The following ALX4 variants were observed in gnomAD, a reference collection of about 807,000 sequenced individuals.
ALX4 encodes homeobox protein aristaless-like 4.
A neutral mutation model predicts 40.6 loss-of-function variants in ALX4; 22 were observed. The observed-to-expected ratio is 0.54, with a 90% CI of 0.39 to 0.77. The LOEUF is 0.77. ALX4 is among the 30% of genes least tolerant of loss of function. The pLI is 0.00. For missense variants in ALX4, 556 were observed against 564.8 expected (o/e 0.98, Z 0.16); for synonymous variants, 266 against 240.5 (o/e 1.11, Z -0.98).
intron 1 of ALX4, among the ~76,000 whole-genome samples, chr11:44,283,729 C>A (rs925840385): frequency 4.7e-4 from 71 of 152,136 alleles, no homozygotes; most frequent in African/African-American, 1.7e-3. Flanking sequence ...ACACCCCGCT[C>A]ATTTTTGTAT....
At chr11:44,286,410 C>G (rs1956338951) in intron 1 of ALX4, among the ~76,000 whole-genome samples, 1 of 152,142 alleles carries the variant, frequency 6.6e-6, no homozygotes, top group South Asian at 2.1e-4. Flanking sequence ...GGCTGCTTAC[C>G]CAGAAGGCTA....
intron 1 of ALX4, among the ~76,000 whole-genome samples, chr11:44,287,047 G>A (rs1407238789): frequency 6.6e-6 from 1 of 152,176 alleles, no homozygotes; most frequent in Non-Finnish European, 1.5e-5. Context: ...TTGGCCCAGC[G>A]GCTTTCCATG....
chr11:44,302,672 C>G (rs1045312836), intron 1 of ALX4, among the ~76,000 whole-genome samples: 5 of 152,134 alleles, frequency 3.3e-5, no homozygotes, highest in African/African-American at 1.2e-4. Flanking sequence ...ACTTGCTTAC[C>G]CCCTCCCTAT....
chr11:44,295,147 G>A (rs1956395870), intron 1 of ALX4, among the ~76,000 whole-genome samples: 1 of 152,126 alleles, frequency 6.6e-6, no homozygotes, highest in Non-Finnish European at 1.5e-5. Context: ...AACCACACCT[G>A]GCTTTGTCCT....
chr11:44,284,787 T>G lies in ALX4; in HGVS notation c.467-9129A>C, dbSNP rs1460877244. On this transcript the variant is annotated intron_variant, in intron 1 of 3. Coordinates refer to ENST00000652299, the MANE Select transcript of ALX4 (RefSeq NM_021926.4). ...TCTCCTGTCTGTGGCTAACTACTAC[T>G]TTCACCTGGATAGCTTTCTCTGTAA... 2.0e-5 allele frequency among the ~76,000 whole-genome samples: 3 copies of G among 151,916 alleles called. 1 individual carries two copies. Among genetic ancestry groups the G allele is most frequent in the Admixed American group, 1.3e-4 (2 of 15,268 alleles).
intron 1 of ALX4, among the ~76,000 whole-genome samples, chr11:44,286,958 C>T (rs1238173502): frequency 4.6e-5 from 7 of 152,192 alleles, no homozygotes; most frequent in African/African-American, 1.2e-4. Flanking sequence ...GAGAGGGTGG[C>T]GCACAGTGGG....
At chr11:44,279,150 A>G (rs1956294602) in intron 1 of ALX4, among the ~76,000 whole-genome samples, 2 of 152,132 alleles carry the variant, frequency 1.3e-5, no homozygotes, top group South Asian at 4.1e-4. Flanking sequence ...CTAGGGTAGC[A>G]GGGAGCTCAC....
At chr11:44,289,027 T>A (rs910771714) in intron 1 of ALX4, among the ~76,000 whole-genome samples, 4 of 152,172 alleles carry the variant, frequency 2.6e-5, no homozygotes, top group African/African-American at 9.7e-5. Context: ...GAGCTTCCCT[T>A]AGGAATCATG....
At chr11:44,289,324 A>C (rs1334658458) in intron 1 of ALX4, among the ~76,000 whole-genome samples, 2 of 152,158 alleles carry the variant, frequency 1.3e-5, no homozygotes, top group African/African-American at 4.8e-5. Flanking sequence ...CTTAGACAGG[A>C]GCTCTCCAAC....
In ALX4 at chr11:44,265,154, G is replaced by A. The variant is rs150706927; in HGVS notation, c.936C>T (p.Asn312=). 127 of 1,605,866 alleles carry A rather than the reference G, an allele frequency of 7.9e-5. No individual in the cohort carries two copies. Among genetic ancestry groups the A allele is most frequent in the Non-Finnish European group, 8.4e-5 (99 of 1,175,072 alleles). Residue 312 remains asparagine, a synonymous_variant, in exon 4 of 4, where the codon AAC becomes AAT. Coordinates refer to ENST00000652299, the MANE Select transcript of ALX4 (RefSeq NM_021926.4). The part of the protein sequence containing the change: ...QIQNPSWLGN[N]GAASPVPACV... ...AGGCTGGCACTGGTGAGGCAGCCCC[G>A]TTGTTGCCGAGCCAGGACGGGTTCT... is the stretch of plus-strand genomic sequence containing the variant.
chr11:44,307,192 G>A (rs1047444993), intron 1 of ALX4, among the ~76,000 whole-genome samples: 1 of 152,154 alleles, frequency 6.6e-6, no homozygotes, highest in African/African-American at 2.4e-5. Context: ...GGGTAGCGGG[G>A]GCTCTTGCTC....
chr11:44,273,094 A>G (rs1030978534), intron 2 of ALX4, among the ~76,000 whole-genome samples: 2 of 152,048 alleles, frequency 1.3e-5, no homozygotes, highest in African/African-American at 4.8e-5. Flanking sequence ...AGTTAATTCA[A>G]GAGTCCCTGG....
Position 44,309,768 on chromosome 11 carries a change from G to A in ALX4, c.295C>T (p.Pro99Ser), listed in dbSNP as rs770611828. 6.5e-7 allele frequency: 1 copy of A among 1,546,682 alleles called. No individual in the cohort carries two copies. Among genetic ancestry groups the A allele is most frequent in the Non-Finnish European group, 8.7e-7 (1 of 1,144,960 alleles). The change falls in exon 1 of 4, where the codon CCC becomes TCC. Residue 99 changes from proline (P) to serine (S), a missense_variant. Transcript: ENST00000652299. The part of the protein sequence containing the change: ...KFQPQPSTPQ[P>S]QPPPQPQPQQ... ...GGCTGCGGCTGCGGCGGCGGCTGGGGCTGCGGGGTCGACGGCTGGGGCTGG... is the reference window on the plus strand; with the variant it reads ...GGCTGCGGCTGCGGCGGCGGCTGGGACTGCGGGGTCGACGGCTGGGGCTGG...
At chr11:44,275,773 A>G in intron 1 of ALX4, 115 bp from the exon 2 acceptor site, 1 of 994,498 alleles carries the variant, frequency 1.0e-6, no homozygotes, top group Non-Finnish European at 1.5e-6. Flanking sequence ...TTCCTCTTAG[A>G]GCTCATTGGA....
intron 1 of ALX4, among the ~76,000 whole-genome samples, chr11:44,308,533 C>T (rs1956482855): frequency 2.0e-5 from 3 of 152,262 alleles, no homozygotes; most frequent in African/African-American, 7.2e-5. Flanking sequence ...TGCGTCTTTG[C>T]TTCCCCTTCC....
chr11:44,307,592 T>C (rs1202659130), intron 1 of ALX4, among the ~76,000 whole-genome samples: 4 of 152,256 alleles, frequency 2.6e-5, no homozygotes, highest in African/African-American at 9.6e-5. Flanking sequence ...GAAAATTCAA[T>C]GCAGTGGAGA....
intron 1 of ALX4, among the ~76,000 whole-genome samples, chr11:44,298,619 C>A (rs985104183): frequency 7.2e-5 from 11 of 152,032 alleles, no homozygotes; most frequent in African/African-American, 2.7e-4. Context: ...CTAGAGCCGA[C>A]CCCGGGGGCT....
intron 1 of ALX4, among the ~76,000 whole-genome samples, chr11:44,297,982 C>T (rs1472370527): frequency 1.3e-5 from 2 of 152,196 alleles, no homozygotes; most frequent in Admixed American, 1.3e-4. Context: ...TTCACCTTCC[C>T]TGGGGATTCC....
intron 1 of ALX4, among the ~76,000 whole-genome samples, chr11:44,301,100 C>T (rs1157279485): frequency 6.6e-6 from 1 of 152,248 alleles, no homozygotes; most frequent in East Asian, 1.9e-4. Context: ...CCAGAATACC[C>T]CACAAGGCTT....
Sources: gnomAD v4.1 joint callset for allele counts (sites outside exome capture counted in the v4.1 genomes callset) on GRCh38, gnomAD v4.1.1 for gene constraint, MANE v1.5 for transcripts, NCBI Gene and HGNC (gene_info 2026-07-23, HGNC 2026-07-21) for gene names.